HMGCS1: variants seen among roughly 807,000 people sequenced by gnomAD.
The protein encoded by HMGCS1 is 3-hydroxy-3-methylglutaryl-CoA synthase 1.
HMGCS1 carries 9 observed loss-of-function variants against 52.3 expected under a neutral mutation model. The observed-to-expected ratio is 0.17, with a 90% CI of 0.10 to 0.30. The LOEUF is 0.30. HMGCS1 is among the 10% of genes least tolerant of loss of function. The pLI is 1.00. For missense variants in HMGCS1, 320 were observed against 620.9 expected (o/e 0.52, Z 5.15); for synonymous variants, 176 against 214.4 (o/e 0.82, Z 1.57).
chr5:43,298,979 T>C lies in HMGCS1; in HGVS notation c.-10-4A>G, dbSNP rs767318361. The C allele has an allele frequency of 3.8e-6, 6 of 1,577,956 alleles. No homozygotes were observed. The highest frequency in any genetic ancestry group is 1.9e-5 in the Admixed American group (1 of 51,468). On this transcript the variant is annotated splice_region_variant and splice_polypyrimidine_tract_variant and intron_variant, in intron 2 of 10. Transcript: ENST00000325110. The surrounding 1 kb of genome is among the most constrained non-coding windows in gnomAD (Gnocchi z 5.6). Reference sequence around the variant, plus strand: ...TGATCCAGGCATGGTGAAAGAGCTTTAGAAAGGAGAAACAGAAAAAAAATT... The same window carrying C: ...TGATCCAGGCATGGTGAAAGAGCTTCAGAAAGGAGAAACAGAAAAAAAATT...
At chr5:43,294,615 G>A (rs1288605895) in intron 7 of HMGCS1, 76 bp downstream of exon 7, 18 of 1,095,270 alleles carry the variant, frequency 1.6e-5, no homozygotes, top group Non-Finnish European at 2.2e-5. Flanking sequence ...CAACATGCTT[G>A]ACACTAGATT....
intron 2 of HMGCS1, among the ~76,000 whole-genome samples, chr5:43,304,364 G>A (rs1754460256): frequency 6.6e-6 from 1 of 152,198 alleles, no homozygotes; most frequent in South Asian, 2.1e-4. Flanking sequence ...TGGAAATAAA[G>A]TGAACAGGGA....
intron 2 of HMGCS1, among the ~76,000 whole-genome samples, chr5:43,300,286 A>G (rs141204420): frequency 2.1e-3 from 320 of 152,202 alleles, no homozygotes; most frequent in African/African-American, 7.3e-3. Flanking sequence ...CTACAACTCA[A>G]TTTCCTTTTT....
intron 2 of HMGCS1, among the ~76,000 whole-genome samples, chr5:43,300,514 G>A (rs987799596): frequency 6.6e-6 from 1 of 152,192 alleles, no homozygotes; most frequent in African/African-American, 2.4e-5. Flanking sequence ...AAGGGGCCAG[G>A]TGCAGTGGAT....
At position 43,298,119 on chromosome 5, in the gene HMGCS1, AC is replaced by A. The variant is rs774610011; in HGVS notation, c.463del (p.Val155Ter). The A allele has an allele frequency of 6.2e-7, 1 of 1,609,014 alleles. No homozygotes were observed. The highest frequency in any genetic ancestry group is 8.5e-7 in the Non-Finnish European group (1 of 1,178,454). On this transcript the variant is annotated frameshift_variant, in exon 4 of 11. Transcript: ENST00000325110. LOFTEE classifies it high-confidence loss of function. This position sits in a 1 kb window ranked among gnomAD's most constrained non-coding sequence, Gnocchi z 5.6. ...SSSWDGRYAL[V>X]VAGDIAVYAT... ...ATATACAGCAATATCTCCTGCAACT[AC>A]CAGGGCATACCGTCCTGAAAAATAT...
At chr5:43,294,273 AACTT>A (rs1339087136) in intron 7 of HMGCS1, 111 bp from the exon 8 acceptor site, 2 of 672,224 alleles carry the variant, frequency 3.0e-6, no homozygotes, top group Non-Finnish European at 5.3e-6. Flanking sequence ...AGTAGAATCT[AACTT>A]AAAGTTTTAA....
chr5:43,294,582 T>G (rs1753940718), intron 7 of HMGCS1, 109 bp downstream of exon 7: 1 of 729,632 alleles, frequency 1.4e-6, no homozygotes, highest in African/African-American at 1.8e-5. Context: ...AGCCTCAAGA[T>G]AAAATTTTCT....
chr5:43,299,326 C>A (rs1025754591), intron 2 of HMGCS1, among the ~76,000 whole-genome samples: 9 of 152,114 alleles, frequency 5.9e-5, no homozygotes, highest in African/African-American at 2.2e-4. Context: ...ATATGGCTGA[C>A]AAATCAGAAT....
At chr5:43,300,181 C>T (rs1402415405) in intron 2 of HMGCS1, among the ~76,000 whole-genome samples, 1 of 152,192 alleles carries the variant, frequency 6.6e-6, no homozygotes, top group Non-Finnish European at 1.5e-5. Context: ...TAACCAGAAC[C>T]CAGATGGCAT....
At chr5:43,292,428 G>A (rs2111630584) in intron 10 of HMGCS1, 46 bp downstream of exon 10, 1 of 1,507,700 alleles carries the variant, frequency 6.6e-7, no homozygotes, top group South Asian at 1.2e-5. Flanking sequence ...ATCCCAGTTA[G>A]GTCTCCTAAA....
At chr5:43,304,418 A>T (rs1331243005) in intron 2 of HMGCS1, among the ~76,000 whole-genome samples, 5 of 152,244 alleles carry the variant, frequency 3.3e-5, no homozygotes. Context: ...ATATACTTGT[A>T]CTCACTAATA....
rs752680874 is a variant in HMGCS1, at chr5:43,288,405, T to C, written c.*2726A>G. 25 of 152,200 alleles carry C rather than the reference T, an allele frequency of 1.6e-4. No homozygotes were observed. The highest frequency in any genetic ancestry group is 4.4e-5 in the Non-Finnish European group (3 of 68,046). 9.4% of individuals were successfully genotyped at this position (152,200 alleles called of 1,614,324 possible). On this transcript the variant is annotated 3_prime_UTR_variant, in exon 11 of 11. Transcript: ENST00000325110. ...CAGACAACTTTAAATTATTTAAAGA[T>C]CCTGTTACCCTTGCTCTGTTGACTG... is the stretch of plus-strand genomic sequence containing the variant.
intron 2 of HMGCS1, 130 bp from the exon 3 acceptor site, chr5:43,299,105 T>G: frequency 3.1e-6 from 2 of 637,586 alleles, no homozygotes; most frequent in African/African-American, 1.8e-5. Context: ...AGTTTAGTAT[T>G]TAGGGCACTC....
At chr5:43,303,614 G>A (rs34709217) in intron 2 of HMGCS1, among the ~76,000 whole-genome samples, 1,809 of 152,268 alleles carry the variant, frequency 0.012, 34 homozygotes, top group East Asian at 0.081. Flanking sequence ...TCATGTCTTA[G>A]ACTACTGTAT....
intron 7 of HMGCS1, 73 bp from the exon 8 acceptor site, chr5:43,294,235 A>G: frequency 1.1e-6 from 1 of 928,606 alleles, no homozygotes; most frequent in Non-Finnish European, 1.7e-6. Flanking sequence ...CTATAAAAGT[A>G]GCAATAAAAA....
At chr5:43,294,393 CA>C (rs1753930443) in intron 7 of HMGCS1, 1 of 518,544 alleles carries the variant, frequency 1.9e-6, no homozygotes, top group South Asian at 2.8e-5. Context: ...TTGTGAAAGT[CA>C]TGCCACAAAA....
At chr5:43,295,140 C>G (rs931983354) in intron 6 of HMGCS1, among the ~76,000 whole-genome samples, 3 of 152,186 alleles carry the variant, frequency 2.0e-5, no homozygotes, top group African/African-American at 7.2e-5. Flanking sequence ...ATATTGGCTT[C>G]AATGAATAGA....
At chr5:43,308,892 G>A (rs955608904) in intron 1 of HMGCS1, among the ~76,000 whole-genome samples, 3 of 151,392 alleles carry the variant, frequency 2.0e-5, no homozygotes, top group Admixed American at 6.6e-5. Flanking sequence ...ACCCACCTAC[G>A]CCCCCCTGCC....
At position 43,298,644 on chromosome 5, in the gene HMGCS1, A is replaced by C; in HGVS notation, c.322T>G (p.Leu108Val). The C allele has an allele frequency of 6.2e-7, 1 of 1,614,200 alleles. No homozygotes were observed. Among genetic ancestry groups the C allele is most frequent in the Non-Finnish European group, 8.5e-7 (1 of 1,180,010 alleles). ...CCAGACTCTTCAAACAGCTGCATCAAATTAGTCTTCACAGACTTTGATTTG... is the reference window on the plus strand; with the variant it reads ...CCAGACTCTTCAAACAGCTGCATCACATTAGTCTTCACAGACTTTGATTTG... Reference protein sequence around the residue: ...IDKSKSVKTNLMQLFEESGNT... With the variant: ...IDKSKSVKTNVMQLFEESGNT... Residue 108 changes from leucine (L) to valine (V), a missense_variant, in exon 3 of 11, where the codon TTG (leucine) becomes GTG (valine). Coordinates refer to ENST00000325110, the MANE Select transcript of HMGCS1 (RefSeq NM_001098272.3). The surrounding 1 kb of genome is among the most constrained non-coding windows in gnomAD (Gnocchi z 5.6).
Sources: allele counts gnomAD v4.1 joint callset (sites outside exome capture counted in the v4.1 genomes callset), GRCh38; gene constraint gnomAD v4.1.1; non-coding constraint Gnocchi (gnomAD v3.1); transcripts MANE v1.5; gene names NCBI Gene and HGNC (gene_info 2026-07-23, HGNC 2026-07-21).